Variants in MTAP observed in about 807,000 individuals in gnomAD.
MTAP encodes methylthioadenosine phosphorylase.
A neutral mutation model predicts 33.6 loss-of-function variants in MTAP; 33 were observed. The ratio of observed to expected loss-of-function variants is 0.98; its 90% CI spans 0.74 to 1.31. MTAP has a LOEUF of 1.31. Ranked by LOEUF, MTAP falls within the 40% of genes most tolerant of loss-of-function variation. The pLI is 0.00. For synonymous variants in MTAP, 148 were observed against 125.7 expected (o/e 1.18, Z -1.19); for missense variants, 367 against 360.0 (o/e 1.02, Z -0.16).
intron 4 of MTAP, among the ~76,000 whole-genome samples, chr9:21,832,644 A>G (rs775863985): frequency 1.2e-4 from 18 of 152,136 alleles, no homozygotes; most frequent in Non-Finnish European, 2.2e-4. Context: ...GGTGTCCACT[A>G]TTCCCCTGGA....
At chr9:21,910,447 CAT>C (rs1464058648) in intron 1 of MTAP, among the ~76,000 whole-genome samples, 1 of 152,080 alleles carries the variant, frequency 6.6e-6, no homozygotes, top group African/African-American at 2.4e-5. Flanking sequence ...TGGAAGATGA[CAT>C]ATGATGATGA....
intron 5 of MTAP, among the ~76,000 whole-genome samples, chr9:21,847,497 G>A (rs556283912): frequency 5.5e-4 from 83 of 152,278 alleles, no homozygotes; most frequent in African/African-American, 2.0e-3. Context: ...GAACTGTTTA[G>A]AGAGTTATGC....
At chr9:21,839,997 C>G (rs1249279252) in intron 5 of MTAP, among the ~76,000 whole-genome samples, 4 of 152,190 alleles carry the variant, frequency 2.6e-5, no homozygotes, top group Non-Finnish European at 4.4e-5. Flanking sequence ...AAGGCCAAGG[C>G]AGGCGGATCA....
chr9:21,854,745 T>TG lies in MTAP; in HGVS notation c.571dup (p.Ala191GlyfsTer16), dbSNP rs763209709. The TG allele has an allele frequency of 4.3e-6, 7 of 1,614,086 alleles. No homozygotes were observed. Among genetic ancestry groups the TG allele is most frequent in the Non-Finnish European group, 5.1e-6 (6 of 1,179,966 alleles). Reference sequence around the variant, plus strand: ...GGCAGAAAGCTTCATGTTCCGCACCTGGGGGGCGGATGTTATCAACATGAC... The same window carrying TG: ...GGCAGAAAGCTTCATGTTCCGCACCTGGGGGGGCGGATGTTATCAACATGAC... On this transcript the variant is annotated frameshift_variant, in exon 6 of 8. Coordinates refer to ENST00000644715, the MANE Select transcript of MTAP (RefSeq NM_002451.4). LOFTEE classifies it high-confidence loss of function.
At chr9:21,914,698 G>A (rs896868698) in intron 1 of MTAP, among the ~76,000 whole-genome samples, 4 of 151,670 alleles carry the variant, frequency 2.6e-5, no homozygotes, top group Admixed American at 1.3e-4. Flanking sequence ...GTTAATGGGT[G>A]CAGCACACAC....
At chr9:21,818,452 C>T (rs796741060) in intron 4 of MTAP, among the ~76,000 whole-genome samples, 32 of 151,180 alleles carry the variant, frequency 2.1e-4, no homozygotes, top group African/African-American at 4.1e-4. Context: ...CTTAGCCTCC[C>T]GAGTAGCTGG....
intron 4 of MTAP, among the ~76,000 whole-genome samples, chr9:21,829,080 G>C (rs1481533777): frequency 1.3e-5 from 2 of 152,154 alleles, no homozygotes; most frequent in Non-Finnish European, 2.9e-5. Flanking sequence ...TTTACTGATA[G>C]CACATTTCTT....
chr9:21,861,662 G>A, intron 7 of MTAP: 2 of 343,206 alleles, frequency 5.8e-6, no homozygotes, highest in Non-Finnish European at 1.1e-5. Flanking sequence ...GTAAGGATAA[G>A]GGATAGAGGT....
In MTAP at chr9:21,865,105, C is replaced by T. The variant is rs1825831409; in HGVS notation, c.*3091C>T. 2.0e-6 allele frequency: 2 copies of T among 984,618 alleles called. No homozygotes were observed. The highest frequency in any genetic ancestry group is 1.7e-5 in the African/African-American group (1 of 57,210). The allele number at this position is 984,618 out of a possible 1,614,324, so 61.0% of individuals were successfully genotyped here. A position where few individuals can be genotyped will look rare whatever the true frequency, so the allele number is the denominator to read the frequency against. Reference sequence around the variant, plus strand: ...TTTGGCGGTGTCCCCACCCAAATCTCATGTTGAATTGTAGTTCCCATAATC... The same window carrying T: ...TTTGGCGGTGTCCCCACCCAAATCTTATGTTGAATTGTAGTTCCCATAATC... On this transcript the variant is annotated 3_prime_UTR_variant, in exon 8 of 8. Transcript: ENST00000644715.
intron 1 of MTAP, among the ~76,000 whole-genome samples, chr9:21,896,550 G>C (rs112905151): frequency 6.6e-6 from 1 of 151,990 alleles, no homozygotes; most frequent in Non-Finnish European, 1.5e-5. Flanking sequence ...AATGATAAAG[G>C]GGATATCACC....
At chr9:21,836,390 G>A (rs555664756) in intron 4 of MTAP, among the ~76,000 whole-genome samples, 1 of 152,134 alleles carries the variant, frequency 6.6e-6, no homozygotes, top group Non-Finnish European at 1.5e-5. Context: ...ACAAAGGCGG[G>A]GGTTCCAAGG....
intron 4 of MTAP, among the ~76,000 whole-genome samples, chr9:21,825,093 G>C (rs1405495782): frequency 6.6e-6 from 1 of 152,116 alleles, no homozygotes; most frequent in Non-Finnish European, 1.5e-5. Flanking sequence ...CACTCGATGG[G>C]CTGCACCCGC....
At chr9:21,931,368 C>A, downstream of MTAP, 1 of 505,784 alleles carries the variant, frequency 2.0e-6, no homozygotes, top group Admixed American at 3.5e-5. Context: ...GGAGAGACCC[C>A]CTCCAACTAG....
chr9:21,811,549 C>T (rs1308145596), intron 1 of MTAP: 1 of 351,454 alleles, frequency 2.8e-6, no homozygotes, highest in Non-Finnish European at 5.7e-6. Context: ...ACATGGCTGT[C>T]ATAGAACAGA....
At chr9:21,899,081 T>C (rs1485059957) in intron 1 of MTAP, among the ~76,000 whole-genome samples, 2 of 151,844 alleles carry the variant, frequency 1.3e-5, no homozygotes, top group Non-Finnish European at 2.9e-5. Context: ...ATGTCCTTTG[T>C]AGGGACATGG....
chr9:21,832,647 C>CCCCT (rs935189791), intron 4 of MTAP, among the ~76,000 whole-genome samples: 2 of 152,148 alleles, frequency 1.3e-5, no homozygotes, highest in Non-Finnish European at 2.9e-5. Context: ...GTCCACTATT[C>CCCCT]CCCTGGATGA....
At chr9:21,933,079 C>G (rs1348380618), downstream of MTAP, 2 of 152,190 alleles carry the variant, frequency 1.3e-5, no homozygotes, top group African/African-American at 4.8e-5. Context: ...GCTTTCTTAT[C>G]CCAAAGGAAA....
At chr9:21,932,625 C>G (rs1189173459), downstream of MTAP, 1 of 151,498 alleles carries the variant, frequency 6.6e-6, no homozygotes, top group Admixed American at 6.6e-5. Context: ...ATGATTGCAC[C>G]CCCAACCAAT....
chr9:21,895,112 T>C (rs2118768440), intron 1 of MTAP, among the ~76,000 whole-genome samples: 1 of 152,278 alleles, frequency 6.6e-6, no homozygotes, highest in South Asian at 2.1e-4. Context: ...CAAAGCAATT[T>C]ACAGATTAAA....
Sources: allele counts gnomAD v4.1 joint callset (sites outside exome capture counted in the v4.1 genomes callset), GRCh38; gene constraint gnomAD v4.1.1; transcripts MANE v1.5; gene names NCBI Gene and HGNC (gene_info 2026-07-23, HGNC 2026-07-21).